Variants in ARHGAP6 observed in about 807,000 individuals in gnomAD.
ARHGAP6 encodes rho GTPase-activating protein 6.
A neutral mutation model predicts 55.7 loss-of-function variants in ARHGAP6; 16 were observed. The ratio of observed to expected loss-of-function variants is 0.29; its 90% CI spans 0.19 to 0.44. The LOEUF is 0.44. Among genes scored for constraint, ARHGAP6 ranks in the 20% least tolerant of loss-of-function variants. The pLI is 1.00. For synonymous variants in ARHGAP6, 382 were observed against 360.9 expected, an observed-to-expected ratio of 1.06 and a Z score of -0.66; for missense variants, 698 against 808.9, an observed-to-expected ratio of 0.86 and a Z score of 1.66.
intron 1 of ARHGAP6, among the ~76,000 whole-genome samples, chrX:11,511,563 C>T (rs185387191): frequency 1.0e-3 from 112 of 112,195 alleles, no homozygotes; most frequent in African/African-American, 2.9e-3. Context: ...AAGACAACAT[C>T]GTTCCATAAA....
chrX:11,528,602 C>T lies in ARHGAP6; in HGVS notation c.588+135639G>A, dbSNP rs1241065251. On this transcript the variant is annotated intron_variant, in intron 1 of 12. Transcript: ENST00000337414. ...GTTATCAATGCAGATTCTTTGAATG[C>T]TTTGAAAAGACCACAATGGACAATG... 2.7e-5 allele frequency among the ~76,000 whole-genome samples: 3 copies of T among 112,025 alleles called. No homozygotes were observed. The East Asian group carries it at 8.4e-4, about 31-fold the overall frequency.
rs756439798 is a variant in ARHGAP6 at position 11,664,553 on chromosome X, C to T, written c.276G>A (p.Arg92=). The T allele has an allele frequency of 3.4e-6, 4 of 1,191,054 alleles. No homozygotes were observed. The East Asian group carries it at 1.2e-4, about 36-fold the overall frequency. ...SSRGPPPRAT[R]LPPPGPLCSS... Reference sequence around the variant, plus strand: ...AGCAAAGAGGTCCAGGAGGCGGTAGCCTGGTGGCCCTGGGGGGCGGACCCC... The same window carrying T: ...AGCAAAGAGGTCCAGGAGGCGGTAGTCTGGTGGCCCTGGGGGGCGGACCCC... Residue 92 remains arginine, a synonymous_variant, in exon 1 of 13, where the codon AGG becomes AGA. Coordinates refer to ENST00000337414, the MANE Select transcript of ARHGAP6 (RefSeq NM_013427.3).
intron 1 of ARHGAP6, among the ~76,000 whole-genome samples, chrX:11,465,165 A>G (rs760045010): frequency 3.6e-4 from 40 of 112,190 alleles, no homozygotes; most frequent in African/African-American, 1.2e-3. Flanking sequence ...ATCCCTTTAA[A>G]TAAAAGAATA....
intron 1 of ARHGAP6, among the ~76,000 whole-genome samples, chrX:11,434,587 G>A (rs2147791818): frequency 9.0e-6 from 1 of 111,066 alleles, no homozygotes; most frequent in African/African-American, 3.3e-5. Flanking sequence ...TCAGGAGTAG[G>A]ATGAATGATG....
At chrX:11,193,889 C>T (rs912054340) in intron 3 of ARHGAP6, among the ~76,000 whole-genome samples, 1 of 112,897 alleles carries the variant, frequency 8.9e-6, no homozygotes, top group African/African-American at 3.2e-5. Flanking sequence ...GTTGAGGGAA[C>T]ATCTCATCAT....
At chrX:11,155,963 T>C (rs1415841400) in intron 10 of ARHGAP6, among the ~76,000 whole-genome samples, 1 of 112,634 alleles carries the variant, frequency 8.9e-6, no homozygotes, top group Non-Finnish European at 1.9e-5. Flanking sequence ...GGCTTGCATT[T>C]TACTAATTGC....
At chrX:11,613,484 A>C (rs1245231302) in intron 1 of ARHGAP6, among the ~76,000 whole-genome samples, 1 of 112,138 alleles carries the variant, frequency 8.9e-6, no homozygotes, top group Non-Finnish European at 1.9e-5. Flanking sequence ...AGACATTCCC[A>C]CACACTTTCA....
At chrX:11,154,334 C>T (rs914728196) in intron 10 of ARHGAP6, among the ~76,000 whole-genome samples, 8 of 111,841 alleles carry the variant, frequency 7.2e-5, no homozygotes, top group African/African-American at 2.3e-4. Context: ...CTTACTCTTA[C>T]GGATAGGGAA....
intron 1 of ARHGAP6, among the ~76,000 whole-genome samples, chrX:11,491,928 T>C (rs1158462115): frequency 4.6e-5 from 5 of 108,020 alleles, no homozygotes; most frequent in Non-Finnish European, 9.5e-5. Context: ...AGATGGTATC[T>C]CATTGTGGTT....
chrX:11,540,696 A>G (rs2051149202), intron 1 of ARHGAP6, among the ~76,000 whole-genome samples: 1 of 112,437 alleles, frequency 8.9e-6, no homozygotes, highest in African/African-American at 3.2e-5. Context: ...TATGCAGAAA[A>G]TTCTATAGAA....
At chrX:11,583,016 C>T (rs1016460840) in intron 1 of ARHGAP6, among the ~76,000 whole-genome samples, 2 of 112,048 alleles carry the variant, frequency 1.8e-5, no homozygotes, top group Non-Finnish European at 3.8e-5. Flanking sequence ...ATTTTAAGTG[C>T]TTTATATTTA....
intron 9 of ARHGAP6, among the ~76,000 whole-genome samples, chrX:11,168,620 C>T (rs185155160): frequency 5.5e-4 from 61 of 111,484 alleles, no homozygotes; most frequent in East Asian, 5.6e-4. Flanking sequence ...CTAGAATTCT[C>T]GGTTGAAGGA....
At chrX:11,482,018 T>C (rs1209056578) in intron 1 of ARHGAP6, among the ~76,000 whole-genome samples, 1 of 112,695 alleles carries the variant, frequency 8.9e-6, no homozygotes, top group Non-Finnish European at 1.9e-5. Context: ...AGGTGAAACC[T>C]GGAAGCTACA....
intron 1 of ARHGAP6, among the ~76,000 whole-genome samples, chrX:11,471,449 AAT>A (rs2050345904): frequency 8.9e-6 from 1 of 112,305 alleles, no homozygotes; most frequent in Non-Finnish European, 1.9e-5. Context: ...TATAGCAAAA[AAT>A]ATGTTTAAAA....
At chrX:11,644,522 G>T (rs192535069) in intron 1 of ARHGAP6, among the ~76,000 whole-genome samples, 303 of 110,873 alleles carry the variant, frequency 2.7e-3, no homozygotes, top group African/African-American at 9.3e-3. Flanking sequence ...ATGGGCAAAG[G>T]TCTTGAACAG....
At chrX:11,451,706 C>T (rs192383670) in intron 1 of ARHGAP6, among the ~76,000 whole-genome samples, 27 of 111,848 alleles carry the variant, frequency 2.4e-4, no homozygotes, top group African/African-American at 8.8e-4. Context: ...TAAGACAATG[C>T]CCTTTCTCCA....
chrX:11,616,235 C>T (rs1364137708), intron 1 of ARHGAP6, among the ~76,000 whole-genome samples: 1 of 111,661 alleles, frequency 9.0e-6, no homozygotes, highest in Non-Finnish European at 1.9e-5. Flanking sequence ...TGTTTTGGCA[C>T]AGCACAAAAG....
chrX:11,479,459 C>G (rs1200789194), intron 1 of ARHGAP6, among the ~76,000 whole-genome samples: 3 of 111,524 alleles, frequency 2.7e-5, no homozygotes, highest in Non-Finnish European at 3.8e-5. Context: ...TAGGAAGTAT[C>G]TGCAAATGTG....
At chrX:11,551,871 G>A (rs779763953) in intron 1 of ARHGAP6, among the ~76,000 whole-genome samples, 6 of 111,787 alleles carry the variant, frequency 5.4e-5, no homozygotes, top group East Asian at 5.6e-4. Context: ...CCTTCAGAAG[G>A]AACCAACCTT....
Sources: gnomAD v4.1 joint callset for allele counts (sites outside exome capture counted in the v4.1 genomes callset) on GRCh38, gnomAD v4.1.1 for gene constraint, MANE v1.5 for transcripts, NCBI Gene and HGNC (gene_info 2026-07-23, HGNC 2026-07-21) for gene names.